PRXL2C: variants seen among roughly 807,000 people sequenced by gnomAD.
The protein encoded by PRXL2C is peroxiredoxin like 2C.
PRXL2C carries 38 observed loss-of-function variants against 24.9 expected under a neutral mutation model. The observed-to-expected ratio is 1.53, with a 90% CI of 1.18 to 2.00. PRXL2C has a LOEUF of 2.00. PRXL2C is among the 30% of genes most tolerant of loss of function. PRXL2C has a pLI of 0.00. For synonymous variants in PRXL2C, 98 were observed against 117.2 expected, an observed-to-expected ratio of 0.84 and a Z score of 1.06; for missense variants, 294 against 290.9, an observed-to-expected ratio of 1.01 and a Z score of -0.08.
At chr9:96,650,658 T>C (rs1848253765) in intron 4 of PRXL2C, among the ~76,000 whole-genome samples, 1 of 152,116 alleles carries the variant, frequency 6.6e-6, no homozygotes, top group Admixed American at 6.6e-5. Flanking sequence ...ATTAAAGACA[T>C]GGTACTGAGG....
At position 96,644,790 on chromosome 9, in the gene PRXL2C, TC is replaced by T. The variant is rs1848168157; in HGVS notation, c.553+1102del. Among the ~76,000 whole-genome samples, 6 of 149,050 alleles carry T rather than the reference TC, an allele frequency of 4.0e-5. No homozygotes were observed. In the South Asian group the frequency reaches 1.3e-3, roughly 33 times the overall value. On this transcript the variant is annotated intron_variant, in intron 5 of 5. Transcript: ENST00000375234. The stretch of plus-strand genomic sequence containing the variant: ...CCACCATGCCCGGCCTCAATCCCAA[TC>T]TTATGGGATGAGCTGTCCCTAGCAC...
rs769796460 is a variant in PRXL2C, at chr9:96,651,493, A to G, written c.318T>C (p.Pro106=). The G allele has an allele frequency of 6.2e-7, 1 of 1,607,822 alleles. No individual in the cohort carries two copies. Among genetic ancestry groups the G allele is most frequent in the African/African-American group, 1.3e-5 (1 of 74,754 alleles). The change falls in exon 4 of 6, where the codon CCT becomes CCC. Residue 106 remains proline (P), a splice_region_variant and synonymous_variant. Coordinates refer to ENST00000375234, the MANE Select transcript of PRXL2C (RefSeq NM_153698.2). ...GAGAATATCCAGTCAGCTTGCAAAAAGGCTGAAAAGAGAGAATGGTTGGAA... is the reference window on the plus strand; with the variant it reads ...GAGAATATCCAGTCAGCTTGCAAAAGGGCTGAAAAGAGAGAATGGTTGGAA... The part of the protein sequence containing the change: ...IGQSSYHHIE[P]FCKLTGYSHE...
At chr9:96,641,979 A>T in intron 5 of PRXL2C, 93 bp from the exon 6 acceptor site, 6 of 1,127,264 alleles carry the variant, frequency 5.3e-6, no homozygotes, top group African/African-American at 1.6e-5. Context: ...ACCTTTAATT[A>T]GTCCAAAGGG....
Position 96,651,316 on chromosome 9 carries a change from T to C in PRXL2C, c.421+74A>G. On this transcript the variant is annotated intron_variant, in intron 4 of 5. Transcript: ENST00000375234. ...AAGCCTGATTTATGAATTGACCATGTTTCCCTATGCATATATACACAAATA... is the reference window on the plus strand; with the variant it reads ...AAGCCTGATTTATGAATTGACCATGCTTCCCTATGCATATATACACAAATA... 2.8e-6 allele frequency: 3 copies of C among 1,083,318 alleles called. No homozygotes were observed. The South Asian group carries it at 4.5e-5, about 16-fold the overall frequency. The allele number at this position is 1,083,318 out of a possible 1,614,324, so 67.1% of individuals were successfully genotyped here. A position where few individuals can be genotyped will look rare whatever the true frequency, so the allele number is the denominator to read the frequency against.
At chr9:96,653,198 G>C (rs1417180429) in intron 2 of PRXL2C, among the ~76,000 whole-genome samples, 2 of 151,428 alleles carry the variant, frequency 1.3e-5, no homozygotes, top group African/African-American at 2.4e-5. Context: ...CTGCACTCCA[G>C]CCTGGGCGAT....
chr9:96,648,384 G>C (rs1848223656), intron 4 of PRXL2C, among the ~76,000 whole-genome samples: 1 of 151,934 alleles, frequency 6.6e-6, no homozygotes, highest in Non-Finnish European at 1.5e-5. Context: ...TACAAACCCA[G>C]TACTCCCTTG....
intron 4 of PRXL2C, among the ~76,000 whole-genome samples, chr9:96,648,117 G>A (rs1390085842): frequency 2.6e-5 from 4 of 151,926 alleles, no homozygotes; most frequent in Non-Finnish European, 5.9e-5. Flanking sequence ...TGCCCAGGCT[G>A]GTCTCGAACT....
Position 96,640,516 on chromosome 9 carries a change from C to CAAAAA in PRXL2C, c.*1238_*1242dup, listed in dbSNP as rs34951542. 8.0e-5 allele frequency: 1 copy of CAAAAA among 12,502 alleles called. No individual in the cohort carries two copies. Among genetic ancestry groups the CAAAAA allele is most frequent in the Non-Finnish European group, 1.2e-4 (1 of 8,038 alleles). 0.8% of individuals were successfully genotyped at this position (12,502 alleles called of 1,614,324 possible). On this transcript the variant is annotated 3_prime_UTR_variant, in exon 6 of 6. Coordinates refer to ENST00000375234, the MANE Select transcript of PRXL2C (RefSeq NM_153698.2). ...TGGGCGACAGAGCAAGACTCCATCT[C>CAAAAA]AAAAAAAAAAAAAAAAAAAAAAAAA... is the stretch of plus-strand genomic sequence containing the variant.
At chr9:96,642,546 A>ATTTTTT (rs1212733244) in intron 5 of PRXL2C, among the ~76,000 whole-genome samples, 3 of 134,942 alleles carry the variant, frequency 2.2e-5, no homozygotes, top group Non-Finnish European at 3.2e-5. Context: ...GCACGTTTTC[A>ATTTTTT]TTTTTTTTTT....
rs1564410562 is a variant in PRXL2C, at chr9:96,653,239, AGAAG to A, written c.261+1462_261+1465del. On this transcript the variant is annotated intron_variant, in intron 2 of 5. Coordinates refer to ENST00000375234, the MANE Select transcript of PRXL2C (RefSeq NM_153698.2). ...GAGACTCCATCTCAAAAAAAAAAAA[AGAAG>A]AAAAGAAAATACGGTATCACATTTG... 3.4e-5 allele frequency among the ~76,000 whole-genome samples: 5 copies of A among 147,106 alleles called. 2 individuals are homozygous for A. The highest frequency in any genetic ancestry group is 1.4e-4 in the African/African-American group (5 of 36,676).
At chr9:96,653,967 A>G in intron 2 of PRXL2C, among the ~76,000 whole-genome samples, 1 of 151,918 alleles carries the variant, frequency 6.6e-6, no homozygotes, top group East Asian at 1.9e-4. Flanking sequence ...CAGCCTCCCG[A>G]GTAGCTGGGC....
At position 96,641,909 on chromosome 9, in the gene PRXL2C, G is replaced by T. The variant is rs111481077; in HGVS notation, c.554-23C>A. The T allele has an allele frequency of 1.0e-3, 1,462 of 1,455,268 alleles. 12 individuals carry two copies. The African/African-American group carries it at 0.017, about 17-fold the overall frequency. The allele number at this position is 1,455,268 out of a possible 1,614,324, so 90.1% of individuals were successfully genotyped here. ...TACCTAGAAGAGAATAAGAATAAAA[G>T]GCTGAGGCATAGTATTATTCATCAG... is the stretch of plus-strand genomic sequence containing the variant. On this transcript the variant is annotated intron_variant, in intron 5 of 5. Coordinates refer to ENST00000375234, the MANE Select transcript of PRXL2C (RefSeq NM_153698.2).
In PRXL2C at chr9:96,640,129, A is replaced by G. The variant is rs57883397; in HGVS notation, c.*1630T>C. The G allele has an allele frequency of 0.046, 6,965 of 151,942 alleles. 557 individuals are homozygous for G. The highest frequency in any genetic ancestry group is 0.16 in the African/African-American group (6,571 of 41,224). The allele number at this position is 151,942 out of a possible 1,614,324, so 9.4% of individuals were successfully genotyped here. ...AAAAAATTCTAGAAAAATGAAAGAT[A>G]ACAAGTCTCCCAAATAAGAGCAGTT... On this transcript the variant is annotated 3_prime_UTR_variant, in exon 6 of 6. Coordinates refer to ENST00000375234, the MANE Select transcript of PRXL2C (RefSeq NM_153698.2).
At chr9:96,641,989 G>GA (rs1848123598) in intron 5 of PRXL2C, 103 bp from the exon 6 acceptor site, 1 of 1,020,582 alleles carries the variant, frequency 9.8e-7, no homozygotes, top group Admixed American at 3.0e-5. Flanking sequence ...AGTCCAAAGG[G>GA]AAAAATTAAT....
chr9:96,639,624 A>C lies in PRXL2C; in HGVS notation c.*2135T>G, dbSNP rs1848089037. 6.6e-6 allele frequency: 1 copy of C among 152,234 alleles called. No homozygotes were observed. Among genetic ancestry groups the C allele is most frequent in the African/African-American group, 2.4e-5 (1 of 41,476 alleles). The allele number at this position is 152,234 out of a possible 1,614,324, so 9.4% of individuals were successfully genotyped here. A position where few individuals can be genotyped will look rare whatever the true frequency, so the allele number is the denominator to read the frequency against. On this transcript the variant is annotated 3_prime_UTR_variant, in exon 6 of 6. Coordinates refer to ENST00000375234, the MANE Select transcript of PRXL2C (RefSeq NM_153698.2). ...TATTGAATAAAAACATTATACAAAC[A>C]TGAAGATATATTCAAATATTTGAAT...
At chr9:96,645,046 A>G (rs1008788114) in intron 5 of PRXL2C, among the ~76,000 whole-genome samples, 4 of 151,130 alleles carry the variant, frequency 2.6e-5, no homozygotes, top group Non-Finnish European at 3.0e-5. Flanking sequence ...AGCTGGGACT[A>G]CAGGCACCCG....
At chr9:96,654,929 G>A (rs1848331581) in intron 1 of PRXL2C, 156 bp from the exon 2 acceptor site, 1 of 1,181,020 alleles carries the variant, frequency 8.5e-7, no homozygotes, top group Non-Finnish European at 1.1e-6. Flanking sequence ...AGCGGGCCTC[G>A]CCCTCGCCCT....
Position 96,645,893 on chromosome 9 carries a change from C to T in PRXL2C, c.553G>A (p.Gly185Ser). 6.2e-7 allele frequency: 1 copy of T among 1,608,818 alleles called. No individual in the cohort carries two copies. Among genetic ancestry groups the T allele is most frequent in the East Asian group, 2.2e-5 (1 of 44,744 alleles). The change falls in exon 5 of 6, where the codon GGT (glycine) becomes AGT (serine). Residue 185 changes from glycine (G) to serine (S), a missense_variant and splice_region_variant. Coordinates refer to ENST00000375234, the MANE Select transcript of PRXL2C (RefSeq NM_153698.2). ...GCTGAACCTGGGCTTTGATGCTTAC[C>T]TGGACCTAAAATGAGGGTTCCACCT... ...QQGGTLILGP[G>S]NNIHFIHRDR...
Position 96,651,494 on chromosome 9 carries a change from G to A in PRXL2C, c.317C>T (p.Pro106Leu), listed in dbSNP as rs773076954. 3.7e-6 allele frequency: 6 copies of A among 1,607,198 alleles called. No homozygotes were observed. Among genetic ancestry groups the A allele is most frequent in the South Asian group, 1.1e-5 (1 of 88,974 alleles). Residue 106 changes from proline to leucine, a missense_variant and splice_region_variant, in exon 4 of 6, where the codon CCT (proline) becomes CTT (leucine). By Grantham distance (98) the Pro-to-Leu change is moderately conservative. Transcript: ENST00000375234. ...AGAATATCCAGTCAGCTTGCAAAAA[G>A]GCTGAAAAGAGAGAATGGTTGGAAT... is the stretch of plus-strand genomic sequence containing the variant. ...IGQSSYHHIE[P>L]FCKLTGYSHE...
Sources: gnomAD v4.1 joint callset for allele counts (sites outside exome capture counted in the v4.1 genomes callset) on GRCh38, gnomAD v4.1.1 for gene constraint, MANE v1.5 for transcripts, NCBI Gene and HGNC (gene_info 2026-07-23, HGNC 2026-07-21) for gene names.